Variants in SCO1 observed in about 807,000 individuals in gnomAD.
SCO1 encodes cytochrome c oxidase assembly factor SCO1.
A neutral mutation model predicts 34.0 loss-of-function variants in SCO1; 23 were observed. The ratio of observed to expected loss-of-function variants is 0.68; its 90% CI spans 0.49 to 0.96. The LOEUF (loss-of-function observed/expected upper bound fraction) is 0.96. Ranked by LOEUF, SCO1 falls within the 40% of genes least tolerant of loss-of-function variation. The pLI, the probability that SCO1 is intolerant of heterozygous loss-of-function variation, is 0.00. For missense variants in SCO1, 404 were observed against 381.6 expected (o/e 1.06, Z -0.49); for synonymous variants, 161 against 145.5 (o/e 1.11, Z -0.77).
chr17:10,694,427 ACT>A (rs1474324750), intron 2 of SCO1, among the ~76,000 whole-genome samples: 2 of 151,668 alleles, frequency 1.3e-5, no homozygotes, highest in East Asian at 3.9e-4. Flanking sequence ...CAGGAGTGAA[ACT>A]CTGTCTCAAA....
intron 2 of SCO1, among the ~76,000 whole-genome samples, chr17:10,694,597 C>T (rs996482193): frequency 3.3e-5 from 5 of 152,144 alleles, no homozygotes; most frequent in African/African-American, 9.7e-5. Flanking sequence ...GAGCTAATGA[C>T]GCAACATGTC....
At chr17:10,682,515 T>A (rs2151452299) in intron 5 of SCO1, among the ~76,000 whole-genome samples, 1 of 152,292 alleles carries the variant, frequency 6.6e-6, no homozygotes, top group South Asian at 2.1e-4. Context: ...CTTACATCAC[T>A]CTTTCTCCCT....
rs1376380100 is a variant in SCO1 at position 10,677,713 on chromosome 17, A to G, written c.*3406T>C. On this transcript the variant is annotated 3_prime_UTR_variant, in exon 6 of 6. Coordinates refer to ENST00000255390, the MANE Select transcript of SCO1 (RefSeq NM_004589.4). ...CCTACTGCATTGATAGGATTCTTAT[A>G]CTTTTCAAATAAACAAGTGGCATTT... The G allele has an allele frequency of 6.6e-6, 1 of 152,246 alleles. No homozygotes were observed. Among genetic ancestry groups the G allele is most frequent in the Non-Finnish European group, 1.5e-5 (1 of 68,036 alleles). 9.4% of individuals were successfully genotyped at this position (152,246 alleles called of 1,614,324 possible). A position where few individuals can be genotyped will look rare whatever the true frequency, so the allele number is the denominator to read the frequency against.
chr17:10,681,054 C>T lies in SCO1; in HGVS notation c.*65G>A, dbSNP rs988056868. ...GTATATATGTTTATATTTATATAGGCTCCTATGCGAGACAGTTTCCTTCCT... is the reference window on the plus strand; with the variant it reads ...GTATATATGTTTATATTTATATAGGTTCCTATGCGAGACAGTTTCCTTCCT... On this transcript the variant is annotated 3_prime_UTR_variant, in exon 6 of 6. Coordinates refer to ENST00000255390, the MANE Select transcript of SCO1 (RefSeq NM_004589.4). 21 of 1,567,798 alleles carry T rather than the reference C, an allele frequency of 1.3e-5. No individual in the cohort carries two copies. The Admixed American group carries it at 3.5e-4, about 26-fold the overall frequency.
At position 10,675,388 on chromosome 17, in the gene SCO1, A is replaced by G. The variant is rs1362726731; in HGVS notation, c.*5731T>C. ...ACAGCAAATTGCTGAGAGCTGTCCAATGCATTCTCCACATCACAGACTTGC... is the reference window on the plus strand; with the variant it reads ...ACAGCAAATTGCTGAGAGCTGTCCAGTGCATTCTCCACATCACAGACTTGC... On this transcript the variant is annotated 3_prime_UTR_variant, in exon 6 of 6. Coordinates refer to ENST00000255390, the MANE Select transcript of SCO1 (RefSeq NM_004589.4). 2.0e-5 allele frequency: 3 copies of G among 152,238 alleles called. No homozygotes were observed. The highest frequency in any genetic ancestry group is 6.5e-5 in the Admixed American group (1 of 15,286). The allele number at this position is 152,238 out of a possible 1,614,324, so 9.4% of individuals were successfully genotyped here.
At position 10,678,161 on chromosome 17, in the gene SCO1, G is replaced by C. The variant is rs1005889450; in HGVS notation, c.*2958C>G. ...AACAGCCTTGCTTTTGATTTCCCAA[G>C]ATTTGCAGCTGAAAAACGTTGCCCC... is the stretch of plus-strand genomic sequence containing the variant. On this transcript the variant is annotated 3_prime_UTR_variant, in exon 6 of 6. Transcript: ENST00000255390. 6.6e-6 allele frequency: 1 copy of C among 152,132 alleles called. No individual in the cohort carries two copies. Among genetic ancestry groups the C allele is most frequent in the African/African-American group, 2.4e-5 (1 of 41,402 alleles). 9.4% of individuals were successfully genotyped at this position (152,132 alleles called of 1,614,324 possible).
intron 5 of SCO1, among the ~76,000 whole-genome samples, chr17:10,686,357 G>C (rs919153840): frequency 6.6e-6 from 1 of 152,092 alleles, no homozygotes; most frequent in Admixed American, 6.5e-5. Context: ...GGGAGGCTGA[G>C]GCGGGTAAGG....
chr17:10,692,139 G>T (rs1220104756), intron 3 of SCO1, among the ~76,000 whole-genome samples, 175 bp from the exon 4 acceptor site: 2 of 152,164 alleles, frequency 1.3e-5, no homozygotes, highest in Admixed American at 6.5e-5. Context: ...AGAAGGGATG[G>T]CCTTTAGGAG....
intron 5 of SCO1, among the ~76,000 whole-genome samples, chr17:10,681,568 C>CT (rs2074621988): frequency 6.6e-6 from 1 of 152,210 alleles, no homozygotes; most frequent in South Asian, 2.1e-4. Flanking sequence ...GAAATAGCTG[C>CT]TGCAGGCTTT....
At chr17:10,692,731 T>C (rs764784781) in intron 3 of SCO1, 33 bp downstream of exon 3, 2 of 1,538,310 alleles carry the variant, frequency 1.3e-6, no homozygotes, top group South Asian at 1.1e-5. Flanking sequence ...GAAGTAAACA[T>C]ATACTTTGTT....
At chr17:10,687,608 G>A (rs1181161205) in intron 4 of SCO1, among the ~76,000 whole-genome samples, 2 of 152,174 alleles carry the variant, frequency 1.3e-5, no homozygotes, top group African/African-American at 2.4e-5. Context: ...GAAAAGACAG[G>A]CTTTCTTTTT....
At position 10,692,852 on chromosome 17, in the gene SCO1, C is replaced by A; in HGVS notation, c.474G>T (p.Gln158His). The A allele has an allele frequency of 1.2e-6, 2 of 1,614,214 alleles. No homozygotes were observed. The highest frequency in any genetic ancestry group is 1.7e-6 in the Non-Finnish European group (2 of 1,180,004). ...TGAAGCCAAAATAAATCAATAACCA[C>A]TGACCCAAGTAGTCCTTGTCAGTTT... ...ERKTDKDYLGQWLLIYFGFTH... is the reference protein window; with the variant it reads ...ERKTDKDYLGHWLLIYFGFTH... Residue 158 changes from glutamine (Q) to histidine (H), a missense_variant, in exon 3 of 6, where the codon CAG (glutamine) becomes CAT (histidine). Physicochemically the swap from Gln to His is conservative, Grantham distance 24. Coordinates refer to ENST00000255390, the MANE Select transcript of SCO1 (RefSeq NM_004589.4).
rs1234427803 is a variant in SCO1 at position 10,686,729 on chromosome 17, T to G, written c.769A>C (p.Ile257Leu). ...TTAAAACTGGAACATTTACTCACTATGTAGTCTTCATCTTCGTCCTTGGGG... is the reference window on the plus strand; with the variant it reads ...TTAAAACTGGAACATTTACTCACTAGGTAGTCTTCATCTTCGTCCTTGGGG... ...PGPKDEDEDY[I>L]VDHTIIMYLI... Residue 257 changes from isoleucine to leucine, a missense_variant and splice_region_variant, in exon 5 of 6, where the codon ATA (isoleucine) becomes CTA (leucine). By Grantham distance (5) the Ile-to-Leu change is conservative (BLOSUM62 2). Coordinates refer to ENST00000255390, the MANE Select transcript of SCO1 (RefSeq NM_004589.4). 9 of 1,584,078 alleles carry G rather than the reference T, an allele frequency of 5.7e-6. No homozygotes were observed. The East Asian group carries it at 2.0e-4, about 35-fold the overall frequency.
intron 2 of SCO1, among the ~76,000 whole-genome samples, chr17:10,694,573 C>A (rs548254485): frequency 6.6e-6 from 1 of 152,252 alleles, no homozygotes; most frequent in East Asian, 1.9e-4. Context: ...AGGAAATACA[C>A]CAAAAAGTGT....
intron 2 of SCO1, 29 bp downstream of exon 2, chr17:10,695,712 C>A: frequency 6.8e-7 from 1 of 1,461,754 alleles, no homozygotes; most frequent in South Asian, 1.2e-5. Context: ...GACCTTTATA[C>A]AGGGCTGAGC....
chr17:10,690,105 T>C (rs1248083008), intron 4 of SCO1, among the ~76,000 whole-genome samples: 1 of 151,964 alleles, frequency 6.6e-6, no homozygotes, highest in Non-Finnish European at 1.5e-5. Flanking sequence ...GAAGAAAACA[T>C]AGGGGAAACA....
At position 10,675,120 on chromosome 17, in the gene SCO1, G is replaced by C. The variant is rs1018072686; in HGVS notation, c.*5999C>G. ...GTGGCAACTTTAGGTCCGTCCTCCA[G>C]CTTAGGGGTGACTAGAGCGATTGAT... On this transcript the variant is annotated 3_prime_UTR_variant, in exon 6 of 6. Coordinates refer to ENST00000255390, the MANE Select transcript of SCO1 (RefSeq NM_004589.4). 1 of 152,320 alleles carries C rather than the reference G, an allele frequency of 6.6e-6. No homozygotes were observed. The highest frequency in any genetic ancestry group is 1.5e-5 in the Non-Finnish European group (1 of 68,164). The allele number at this position is 152,320 out of a possible 1,614,324, so 9.4% of individuals were successfully genotyped here.
intron 4 of SCO1, among the ~76,000 whole-genome samples, chr17:10,691,174 C>T (rs2074687195): frequency 6.6e-6 from 1 of 152,188 alleles, no homozygotes. Flanking sequence ...GGCTGAAGAT[C>T]AGTGGCGTGA....
At chr17:10,685,635 A>C (rs2074650989) in intron 5 of SCO1, among the ~76,000 whole-genome samples, 1 of 152,254 alleles carries the variant, frequency 6.6e-6, no homozygotes, top group African/African-American at 2.4e-5. Context: ...CAATGGGCAA[A>C]TAAACCTTTC....
Sources: allele counts gnomAD v4.1 joint callset (sites outside exome capture counted in the v4.1 genomes callset), GRCh38; gene constraint gnomAD v4.1.1; transcripts MANE v1.5; gene names NCBI Gene and HGNC (gene_info 2026-07-23, HGNC 2026-07-21).